Variants in LARP1 observed in about 807,000 individuals in gnomAD.
The protein encoded by LARP1 is La ribonucleoprotein 1, translational regulator, also known as la-related protein 1.
A neutral mutation model predicts 122.7 loss-of-function variants in LARP1; 36 were observed. The ratio of observed to expected loss-of-function variants is 0.29; its 90% CI spans 0.22 to 0.39. The LOEUF (loss-of-function observed/expected upper bound fraction) is 0.39. LARP1 is among the 10% of genes least tolerant of loss of function. The pLI, the probability that LARP1 is intolerant of heterozygous loss-of-function variation, is 1.00. For missense variants in LARP1, 1,040 were observed against 1,403.6 expected, an observed-to-expected ratio of 0.74 and a Z score of 4.14; for synonymous variants, 539 against 528.7, an observed-to-expected ratio of 1.02 and a Z score of -0.27.
intron 1 of LARP1, among the ~76,000 whole-genome samples, chr5:154,780,604 C>T (rs1043487814): frequency 2.6e-5 from 4 of 152,196 alleles, no homozygotes; most frequent in African/African-American, 9.7e-5. Context: ...TCTCCTGGTC[C>T]TCAGTTTTTC....
rs1757245123 is a variant in LARP1, at chr5:154,790,365, T to C, written c.477T>C (p.Pro159=). 6.2e-7 allele frequency: 1 copy of C among 1,613,776 alleles called. No homozygotes were observed. Residue 159 remains proline, a synonymous_variant, in exon 2 of 19, where the codon CCT becomes CCC. Transcript: ENST00000518297. ...CCAAGGTGGTGAGGGCAGCTGTTCC[T>C]AAACAGCGCAAAGGCAGCAAGGTAA... is the stretch of plus-strand genomic sequence containing the variant. ...APAKVVRAAV[P]KQRKGSKVGD... is the part of the protein sequence containing the mutation.
At chr5:154,706,464 C>G (rs1480813407) in intron 1 of LARP1, among the ~76,000 whole-genome samples, 5 of 151,712 alleles carry the variant, frequency 3.3e-5, no homozygotes, top group Non-Finnish European at 7.4e-5. Flanking sequence ...AACAGAAAAC[C>G]AAATAACCAC....
intron 1 of LARP1, among the ~76,000 whole-genome samples, chr5:154,759,186 C>T (rs1754246165): frequency 6.6e-6 from 1 of 152,114 alleles, no homozygotes; most frequent in Non-Finnish European, 1.5e-5. Context: ...TCACCTGCCT[C>T]ATGGGGGTAT....
At chr5:154,767,346 C>G (rs528663937) in intron 1 of LARP1, among the ~76,000 whole-genome samples, 10 of 152,194 alleles carry the variant, frequency 6.6e-5, no homozygotes, top group Admixed American at 5.9e-4. Context: ...TGACTTTGGC[C>G]CAGGTCTTCA....
At chr5:154,811,811 T>A (rs1759299703) in intron 18 of LARP1, among the ~76,000 whole-genome samples, 171 bp downstream of exon 18, 1 of 152,154 alleles carries the variant, frequency 6.6e-6, no homozygotes, top group South Asian at 2.1e-4. Flanking sequence ...GAGTGGCCAA[T>A]GAAGGCTAGT....
chr5:154,719,767 C>T (rs1291364034), intron 1 of LARP1, among the ~76,000 whole-genome samples: 1 of 150,528 alleles, frequency 6.6e-6, no homozygotes, highest in African/African-American at 2.5e-5. Flanking sequence ...GAGCCTGAGG[C>T]ATGAGAATCA....
chr5:154,761,391 C>A (rs1018343637), intron 1 of LARP1, among the ~76,000 whole-genome samples: 1 of 152,136 alleles, frequency 6.6e-6, no homozygotes, highest in Non-Finnish European at 1.5e-5. Flanking sequence ...TATAGTGGGA[C>A]CTGAACTGGA....
chr5:154,791,388 A>G (rs1757341348), intron 3 of LARP1, among the ~76,000 whole-genome samples: 1 of 149,034 alleles, frequency 6.7e-6, no homozygotes, highest in African/African-American at 2.5e-5. Context: ...TAATTTTTGT[A>G]TATTTTAGAG....
chr5:154,710,907 A>C (rs1755186536), upstream of LARP1, among the ~76,000 whole-genome samples: 1 of 152,100 alleles, frequency 6.6e-6, no homozygotes, highest in Non-Finnish European at 1.5e-5. Flanking sequence ...TACATACTGT[A>C]TATCCAACAG....
At position 154,815,455 on chromosome 5, in the gene LARP1, C is replaced by T. The variant is rs1222074677; in HGVS notation, c.*1359C>T. ...ACACCCCAGAGTGGAAAGGTGAACA[C>T]CTGCAGCTGAGGCTTGGAAACGTTT... On this transcript the variant is annotated 3_prime_UTR_variant, in exon 19 of 19. Transcript: ENST00000518297. The T allele has an allele frequency of 6.6e-6, 1 of 152,280 alleles. No individual in the cohort carries two copies. Among genetic ancestry groups the T allele is most frequent in the Non-Finnish European group, 1.5e-5 (1 of 68,036 alleles). The allele number at this position is 152,280 out of a possible 1,614,324, so 9.4% of individuals were successfully genotyped here.
intron 1 of LARP1, among the ~76,000 whole-genome samples, chr5:154,743,731 T>A (rs1277981003): frequency 6.6e-6 from 1 of 152,116 alleles, no homozygotes; most frequent in Non-Finnish European, 1.5e-5. Context: ...GCGATTCTCC[T>A]GCCTCAGCCT....
At chr5:154,691,278 AAG>A (rs1216351757) in intron 1 of LARP1, among the ~76,000 whole-genome samples, 12 of 151,138 alleles carry the variant, frequency 7.9e-5, no homozygotes, top group East Asian at 7.8e-4. Flanking sequence ...AAAAAAAAGA[AAG>A]AAAGTATCAG....
intron 1 of LARP1, among the ~76,000 whole-genome samples, chr5:154,698,996 T>C (rs9324791): frequency 0.76 from 114,935 of 151,670 alleles, 44,029 homozygotes; most frequent in African/African-American, 0.88. Context: ...ATGCACAGAC[T>C]ATTTCTTTCG....
At position 154,755,432 on chromosome 5, in the gene LARP1, G is replaced by A. The variant is rs1753772934; in HGVS notation, c.-326G>A. 2.0e-6 allele frequency: 1 copy of A among 493,916 alleles called. No individual in the cohort carries two copies. The highest frequency in any genetic ancestry group is 2.6e-6 in the Non-Finnish European group (1 of 380,702). 30.6% of individuals were successfully genotyped at this position (493,916 alleles called of 1,614,324 possible). A position where few individuals can be genotyped will look rare whatever the true frequency, so the allele number is the denominator to read the frequency against. On this transcript the variant is annotated 5_prime_UTR_variant, in exon 1 of 19. Coordinates refer to ENST00000518297, the MANE Select transcript of LARP1 (RefSeq NM_033551.3). ...AGCCCGGGCCGCCCCGGGGGCGGGG[G>A]GGAGGGAGGGACGGGACTAGAAGCC...
At chr5:154,752,898 C>T (rs1040407850), upstream of LARP1, among the ~76,000 whole-genome samples, 1 of 151,988 alleles carries the variant, frequency 6.6e-6, no homozygotes, top group African/African-American at 2.4e-5. Context: ...GAGATCCCAC[C>T]ACTGCACTCC....
chr5:154,816,449 G>GAAGCCCCT lies in LARP1; in HGVS notation c.*2354_*2361dup, dbSNP rs1323194896. The GAAGCCCCT allele has an allele frequency of 6.5e-6, 1 of 152,704 alleles. No individual in the cohort carries two copies. The highest frequency in any genetic ancestry group is 1.5e-5 in the Non-Finnish European group (1 of 68,080). The allele number at this position is 152,704 out of a possible 1,614,324, so 9.5% of individuals were successfully genotyped here. On this transcript the variant is annotated 3_prime_UTR_variant, in exon 19 of 19. Coordinates refer to ENST00000518297, the MANE Select transcript of LARP1 (RefSeq NM_033551.3). ...TCTTCTTCACAGACATCCCTGAAAGGAAGCCCCTTTGGGGCAGGGAGGTGA... is the reference window on the plus strand; with the variant it reads ...TCTTCTTCACAGACATCCCTGAAAGGAAGCCCCTAAGCCCCTTTGGGGCAGGGAGGTGA...
intron 1 of LARP1, among the ~76,000 whole-genome samples, chr5:154,704,797 A>G (rs1463641906): frequency 1.3e-5 from 2 of 152,006 alleles, no homozygotes; most frequent in Non-Finnish European, 2.9e-5. Context: ...TAAATTAACA[A>G]GCAAAAAACA....
At chr5:154,759,976 G>C (rs1754317777) in intron 1 of LARP1, among the ~76,000 whole-genome samples, 1 of 152,090 alleles carries the variant, frequency 6.6e-6, no homozygotes, top group Non-Finnish European at 1.5e-5. Context: ...GTCTGGCTCT[G>C]TCGCCCAGAT....
At chr5:154,783,381 A>G (rs963924678) in intron 1 of LARP1, among the ~76,000 whole-genome samples, 10 of 152,120 alleles carry the variant, frequency 6.6e-5, no homozygotes, top group Admixed American at 4.6e-4. Context: ...ACTTCCAACC[A>G]CCGAGGTGCC....
Sources: gnomAD v4.1 joint callset for allele counts (sites outside exome capture counted in the v4.1 genomes callset) on GRCh38, gnomAD v4.1.1 for gene constraint, MANE v1.5 for transcripts, NCBI Gene and HGNC (gene_info 2026-07-23, HGNC 2026-07-21) for gene names.